Variants in CELF6 observed in about 807,000 individuals in gnomAD.
CELF6 encodes the protein Bruno -like 6, RNA binding protein.
CELF6 carries 32 observed loss-of-function variants against 53.1 expected under a neutral mutation model. The ratio of observed to expected loss-of-function variants is 0.60; its 90% CI spans 0.46 to 0.81. The LOEUF is 0.81. Among genes scored for constraint, CELF6 ranks in the 30% least tolerant of loss-of-function variants. CELF6 has a pLI of 0.00. For synonymous variants in CELF6, 291 were observed against 288.8 expected (o/e 1.01, Z -0.08); for missense variants, 539 against 669.5 (o/e 0.81, Z 2.15).
chr15:72,292,822 G>A (rs1319329502), intron 3 of CELF6, among the ~76,000 whole-genome samples: 2 of 152,332 alleles, frequency 1.3e-5, no homozygotes, highest in African/African-American at 4.8e-5. Flanking sequence ...GAGGTCGGGG[G>A]TTTGAGACCA....
chr15:72,290,094 T>C, intron 4 of CELF6, 33 bp downstream of exon 4: 1 of 1,612,610 alleles, frequency 6.2e-7, no homozygotes, highest in African/African-American at 1.3e-5. Context: ...TGAGGAAGGG[T>C]CACCAGGAAA....
At chr15:72,292,130 C>A in intron 3 of CELF6, 1 of 1,100,912 alleles carries the variant, frequency 9.1e-7, no homozygotes, top group South Asian at 1.5e-5. Context: ...GGGTGGAGTT[C>A]ATCTTGCTTG....
At chr15:72,299,352 T>A (rs186785050) in intron 3 of CELF6, among the ~76,000 whole-genome samples, 146 of 151,766 alleles carry the variant, frequency 9.6e-4, no homozygotes, top group African/African-American at 3.4e-3. Context: ...GAAAAGGTTT[T>A]TTGTTTTTTC....
At chr15:72,304,115 C>A (rs761248557) in intron 3 of CELF6, among the ~76,000 whole-genome samples, 6 of 152,116 alleles carry the variant, frequency 3.9e-5, no homozygotes. Flanking sequence ...AAATGATCCA[C>A]CCACCTCAGC....
At position 72,289,571 on chromosome 15, in the gene CELF6, C is replaced by A; in HGVS notation, c.747+56G>T. ...GGCAGGCAGCTGCCCGTGCTCTCAG[C>A]CCCAGGCCTGGCCCACCCACCTGCG... On this transcript the variant is annotated intron_variant, in intron 6 of 12. Transcript: ENST00000287202. The surrounding 1 kb of genome is among the most constrained non-coding windows in gnomAD (Gnocchi z 7.6). 1 of 1,478,778 alleles carries A rather than the reference C, an allele frequency of 6.8e-7. No individual in the cohort carries two copies. The highest frequency in any genetic ancestry group is 8.9e-7 in the Non-Finnish European group (1 of 1,120,890). 91.6% of individuals were successfully genotyped at this position (1,478,778 alleles called of 1,614,324 possible).
At chr15:72,311,507 T>A (rs1156263103) in intron 2 of CELF6, among the ~76,000 whole-genome samples, 1 of 151,202 alleles carries the variant, frequency 6.6e-6, no homozygotes, top group Non-Finnish European at 1.5e-5. Flanking sequence ...GGTTCACGCC[T>A]TTCTCCTGCC....
intron 3 of CELF6, among the ~76,000 whole-genome samples, chr15:72,294,103 A>G (rs1415485363): frequency 1.3e-5 from 2 of 152,170 alleles, no homozygotes; most frequent in African/African-American, 4.8e-5. Context: ...AATGCAGCAA[A>G]TGATGGGGTT....
Position 72,289,658 on chromosome 15 carries a change from G to A in CELF6, c.716C>T (p.Pro239Leu), listed in dbSNP as rs1355183208. The stretch of plus-strand genomic sequence containing the variant: ...GGTGTAGGCGCCGCAGGCCCCTAGC[G>A]GCAGTGGCGCGGGGTGGAAGGCGCC... ...HLGAFHPAPL[P>L]LGACGAYTTA... The change falls in exon 6 of 13, where the codon CCG becomes CTG. Residue 239 changes from proline to leucine, a missense_variant. Around this residue, in one of 3 missense-constraint regions of CELF6, gnomAD observed 358 missense variants for 412.8 expected, o/e 0.87. Transcript: ENST00000287202. This position sits in a 1 kb window ranked among gnomAD's most constrained non-coding sequence, Gnocchi z 7.6. 2 of 1,501,248 alleles carry A rather than the reference G, an allele frequency of 1.3e-6. No homozygotes were observed. The highest frequency in any genetic ancestry group is 1.8e-6 in the Non-Finnish European group (2 of 1,134,248). The allele number at this position is 1,501,248 out of a possible 1,614,324, so 93.0% of individuals were successfully genotyped here. A position where few individuals can be genotyped will look rare whatever the true frequency, so the allele number is the denominator to read the frequency against.
Position 72,289,445 on chromosome 15 carries a change from C to T in CELF6, c.810G>A (p.Ala270=), listed in dbSNP as rs775017140. Residue 270 remains alanine (A), a synonymous_variant, in exon 7 of 13, where the codon GCG becomes GCA. Transcript: ENST00000287202. The surrounding 1 kb of genome is among the most constrained non-coding windows in gnomAD (Gnocchi z 7.6). ...CGTGTTGCATCTGGGCCGCCACTGC[C>T]GCCACCGGGCCTAGGCCTGGGCCCT... ...AAQGPGLGPV[A]AVAAQMQHVA... 1.6e-5 allele frequency: 24 copies of T among 1,542,554 alleles called. No homozygotes were observed. In the Admixed American group the frequency reaches 4.3e-4, roughly 27 times the overall value.
chr15:72,298,755 T>C (rs961678730), intron 3 of CELF6, among the ~76,000 whole-genome samples: 1 of 152,344 alleles, frequency 6.6e-6, no homozygotes, highest in East Asian at 1.9e-4. Flanking sequence ...GTTTAACTTA[T>C]TGGTGTTTCC....
Position 72,289,016 on chromosome 15 carries a change from C to T in CELF6, c.1031-86G>A, listed in dbSNP as rs1393963688. 1 of 1,355,830 alleles carries T rather than the reference C, an allele frequency of 7.4e-7. No individual in the cohort carries two copies. Among genetic ancestry groups the T allele is most frequent in the African/African-American group, 1.4e-5 (1 of 68,992 alleles). 84.0% of individuals were successfully genotyped at this position (1,355,830 alleles called of 1,614,324 possible). ...AAGCTCAGGGAGTGTGGGAGGTGGA[C>T]GGCGGCTGTGAGAGACAGCAGGGAA... On this transcript the variant is annotated intron_variant, in intron 8 of 12. Coordinates refer to ENST00000287202, the MANE Select transcript of CELF6 (RefSeq NM_052840.5). This position sits in a 1 kb window ranked among gnomAD's most constrained non-coding sequence, Gnocchi z 7.6.
intron 1 of CELF6, among the ~76,000 whole-genome samples, chr15:72,318,505 G>A (rs2088389208): frequency 6.6e-6 from 1 of 152,142 alleles, no homozygotes; most frequent in Admixed American, 6.6e-5. Context: ...AGATAAGAGT[G>A]TTCCTTCTCA....
At chr15:72,306,421 C>CAA in intron 2 of CELF6, 1 of 441,050 alleles carries the variant, frequency 2.3e-6, no homozygotes, top group Non-Finnish European at 3.0e-6. Flanking sequence ...TTGCTCGTTG[C>CAA]CGAGACAACA....
Position 72,289,400 on chromosome 15 carries a change from T to C in CELF6, c.855A>G (p.Val285=), listed in dbSNP as rs747528734. 47 of 1,555,612 alleles carry C rather than the reference T, an allele frequency of 3.0e-5. No individual in the cohort carries two copies. The highest frequency in any genetic ancestry group is 4.7e-5 in the East Asian group (2 of 42,654). ...QMQHVAAFSL[V]AAPLLPAAAA... The stretch of plus-strand genomic sequence containing the variant: ...CTGCCGCGGGCAACAGAGGCGCAGC[T>C]ACCAGGCTAAAGGCCGCCACGTGTT... Residue 285 remains valine, a synonymous_variant, in exon 7 of 13, where the codon GTA becomes GTG. Coordinates refer to ENST00000287202, the MANE Select transcript of CELF6 (RefSeq NM_052840.5). This position sits in a 1 kb window ranked among gnomAD's most constrained non-coding sequence, Gnocchi z 7.6.
At chr15:72,291,859 G>C (rs2088010798) in intron 3 of CELF6, among the ~76,000 whole-genome samples, 1 of 152,116 alleles carries the variant, frequency 6.6e-6, no homozygotes, top group African/African-American at 2.4e-5. Flanking sequence ...CCTTGGAGAG[G>C]GGATGGATAA....
At chr15:72,314,142 A>G (rs2088332633) in intron 2 of CELF6, among the ~76,000 whole-genome samples, 1 of 152,212 alleles carries the variant, frequency 6.6e-6, no homozygotes, top group Non-Finnish European at 1.5e-5. Context: ...AAGGTGCTTC[A>G]GTTACTGTGC....
At chr15:72,291,135 C>T (rs2088001231) in intron 3 of CELF6, among the ~76,000 whole-genome samples, 1 of 152,176 alleles carries the variant, frequency 6.6e-6, no homozygotes, top group Non-Finnish European at 1.5e-5. Flanking sequence ...CACCAGAGAA[C>T]CAGTCTGATT....
At position 72,319,998 on chromosome 15, in the gene CELF6, G is replaced by A; in HGVS notation, c.-124C>T. The A allele has an allele frequency of 1.0e-6, 1 of 954,278 alleles. No individual in the cohort carries two copies. Among genetic ancestry groups the A allele is most frequent in the South Asian group, 1.7e-5 (1 of 59,738 alleles). 59.1% of individuals were successfully genotyped at this position (954,278 alleles called of 1,614,324 possible). On this transcript the variant is annotated 5_prime_UTR_variant, in exon 1 of 13. Transcript: ENST00000287202. The surrounding 1 kb of genome is among the most constrained non-coding windows in gnomAD (Gnocchi z 5.0). ...GCCCGGGCGGAGAGGGCGGGGGGCTGCCCAGGGGGCGGGGTCCGGGTGGAG... is the reference window on the plus strand; with the variant it reads ...GCCCGGGCGGAGAGGGCGGGGGGCTACCCAGGGGGCGGGGTCCGGGTGGAG...
chr15:72,313,243 C>T (rs2088321207), intron 2 of CELF6, among the ~76,000 whole-genome samples: 1 of 152,216 alleles, frequency 6.6e-6, no homozygotes, highest in South Asian at 2.1e-4. Flanking sequence ...TGACCTTGGG[C>T]AAGTCACTTG....
Sources: gnomAD v4.1 joint callset for allele counts (sites outside exome capture counted in the v4.1 genomes callset) on GRCh38, gnomAD v4.1.1 for gene constraint, gnomAD v4.1.1 regional missense constraint, Gnocchi (gnomAD v3.1) non-coding constraint, MANE v1.5 for transcripts, NCBI Gene and HGNC (gene_info 2026-07-23, HGNC 2026-07-21) for gene names.